The following PDE3A variants were observed in gnomAD, a reference collection of about 807,000 sequenced individuals.
PDE3A encodes cGMP-inhibited 3',5'-cyclic phosphodiesterase 3A.
PDE3A carries 43 observed loss-of-function variants against 98.3 expected under a neutral mutation model. That is an observed-to-expected ratio of 0.44 (90% CI 0.34 to 0.56). The LOEUF (loss-of-function observed/expected upper bound fraction) is 0.56, where lower values mean the gene tolerates loss of function less well. PDE3A is among the 20% of genes least tolerant of loss of function. PDE3A has a pLI of 0.01. For synonymous variants in PDE3A, 663 were observed against 567.9 expected, an observed-to-expected ratio of 1.17 and a Z score of -2.38; for missense variants, 1,427 against 1,440.7, an observed-to-expected ratio of 0.99 and a Z score of 0.15.
At chr12:20,587,755 T>C (rs1943229326) in intron 2 of PDE3A, among the ~76,000 whole-genome samples, 1 of 152,210 alleles carries the variant, frequency 6.6e-6, no homozygotes, top group African/African-American at 2.4e-5. Context: ...GTTCCCAGCA[T>C]TTTAACACTA....
At chr12:20,406,618 G>C (rs1944237866) in intron 1 of PDE3A, among the ~76,000 whole-genome samples, 1 of 151,944 alleles carries the variant, frequency 6.6e-6, no homozygotes, top group Non-Finnish European at 1.5e-5. Context: ...TCTCTTATTG[G>C]GTGTATGATG....
intron 1 of PDE3A, among the ~76,000 whole-genome samples, chr12:20,464,690 G>A (rs1450683365): frequency 6.6e-6 from 1 of 152,122 alleles, no homozygotes; most frequent in Non-Finnish European, 1.5e-5. Flanking sequence ...TGTACACTAT[G>A]CAAATTTTCA....
chr12:20,487,059 A>G (rs1379261935), intron 1 of PDE3A, among the ~76,000 whole-genome samples: 1 of 152,234 alleles, frequency 6.6e-6, no homozygotes, highest in Non-Finnish European at 1.5e-5. Flanking sequence ...GAAATAATCA[A>G]TGCTTACTGA....
intron 1 of PDE3A, among the ~76,000 whole-genome samples, chr12:20,409,039 A>C (rs1402412985): frequency 6.6e-6 from 1 of 152,148 alleles, no homozygotes; most frequent in African/African-American, 2.4e-5. Context: ...ATGCAAATTC[A>C]ATGAATGAAT....
chr12:20,656,273 A>G (rs1032885772), intron 15 of PDE3A, among the ~76,000 whole-genome samples: 1 of 152,186 alleles, frequency 6.6e-6, no homozygotes, highest in Non-Finnish European at 1.5e-5. Context: ...GTTCATTCCA[A>G]CCATCTTGTA....
At chr12:20,673,958 A>T (rs1480606365) in intron 15 of PDE3A, among the ~76,000 whole-genome samples, 3 of 152,292 alleles carry the variant, frequency 2.0e-5, no homozygotes, top group South Asian at 4.1e-4. Flanking sequence ...ATCCATGATC[A>T]TGGGATGTCT....
intron 13 of PDE3A, among the ~76,000 whole-genome samples, chr12:20,649,851 C>G (rs1944873758): frequency 6.6e-6 from 1 of 152,004 alleles, no homozygotes; most frequent in African/African-American, 2.4e-5. Context: ...TGCTTGAACC[C>G]AGGAGGTGGA....
At chr12:20,450,331 T>G (rs1245146090) in intron 1 of PDE3A, among the ~76,000 whole-genome samples, 1 of 152,224 alleles carries the variant, frequency 6.6e-6, no homozygotes, top group African/African-American at 2.4e-5. Flanking sequence ...AGGTCACAGA[T>G]GTGAATTAGC....
At chr12:20,452,633 A>G (rs777035560) in intron 1 of PDE3A, among the ~76,000 whole-genome samples, 1 of 152,226 alleles carries the variant, frequency 6.6e-6, no homozygotes, top group Non-Finnish European at 1.5e-5. Flanking sequence ...TTGTTTGATC[A>G]GAGAAACTTT....
chr12:20,593,859 G>A (rs191037777), intron 2 of PDE3A, among the ~76,000 whole-genome samples: 1 of 152,154 alleles, frequency 6.6e-6, no homozygotes, highest in East Asian at 1.9e-4. Flanking sequence ...ATAACATAGG[G>A]TGAGGGCTGG....
chr12:20,534,636 T>C (rs1008072741), intron 1 of PDE3A, among the ~76,000 whole-genome samples: 5 of 152,196 alleles, frequency 3.3e-5, no homozygotes, highest in African/African-American at 9.6e-5. Flanking sequence ...CTCTAGACCT[T>C]TGGACACATT....
chr12:20,622,389 C>T (rs118094830), intron 5 of PDE3A, among the ~76,000 whole-genome samples: 126 of 152,260 alleles, frequency 8.3e-4, no homozygotes, highest in Non-Finnish European at 1.6e-3. Flanking sequence ...CTGAGGTTCT[C>T]TTCTTTATGG....
intron 1 of PDE3A, among the ~76,000 whole-genome samples, chr12:20,535,975 G>C (rs1941738238): frequency 6.6e-6 from 1 of 152,006 alleles, no homozygotes; most frequent in African/African-American, 2.4e-5. Flanking sequence ...GTTAGATATT[G>C]CATCTCTTCA....
At chr12:20,603,640 T>C (rs1284089823) in intron 2 of PDE3A, among the ~76,000 whole-genome samples, 1 of 152,168 alleles carries the variant, frequency 6.6e-6, no homozygotes, top group Non-Finnish European at 1.5e-5. Context: ...GCCCAGTTCA[T>C]GTAGGGGACA....
rs530935945 is a variant in PDE3A at position 20,629,461 on chromosome 12, C to G, written c.1541-447C>G. On this transcript the variant is annotated intron_variant, in intron 5 of 15. Transcript: ENST00000359062. Reference sequence around the variant, plus strand: ...ATTTACATATTTTAAGCATCTGATGCCTGCTGAACTCTGCCCCCAGATACT... The same window carrying G: ...ATTTACATATTTTAAGCATCTGATGGCTGCTGAACTCTGCCCCCAGATACT... 7.2e-5 allele frequency among the ~76,000 whole-genome samples: 11 copies of G among 152,282 alleles called. No homozygotes were observed. In the South Asian group the frequency reaches 2.3e-3, roughly 32 times the overall value.
chr12:20,375,994 G>T (rs1182392007), intron 1 of PDE3A, among the ~76,000 whole-genome samples: 1 of 151,840 alleles, frequency 6.6e-6, no homozygotes, highest in Non-Finnish European at 1.5e-5. Flanking sequence ...TAGATTTTAA[G>T]CAACTTTACA....
rs115539542 is a variant in PDE3A, at chr12:20,659,454, G to T, written c.3184+5249G>T. ...TTGGCTTTTTTTCTTTCATTATTGT[G>T]CTATTATTAAGACTTTTCTTTTTTT... On this transcript the variant is annotated intron_variant, in intron 15 of 15. Transcript: ENST00000359062. Among the ~76,000 whole-genome samples, 511 of 151,994 alleles carry T rather than the reference G, an allele frequency of 3.4e-3. 2 individuals carry two copies. The highest frequency in any genetic ancestry group is 0.012 in the African/African-American group (482 of 41,484).
intron 1 of PDE3A, among the ~76,000 whole-genome samples, chr12:20,454,024 C>T (rs1945112709): frequency 6.6e-6 from 1 of 152,170 alleles, no homozygotes; most frequent in African/African-American, 2.4e-5. Context: ...GAAAATTTGA[C>T]ATTCTTCACC....
intron 1 of PDE3A, among the ~76,000 whole-genome samples, chr12:20,435,788 T>C (rs1944769869): frequency 6.6e-6 from 1 of 152,174 alleles, no homozygotes; most frequent in South Asian, 2.1e-4. Context: ...CTAGGGGTGA[T>C]TAAATTTTAG....
Sources: gnomAD v4.1 joint callset for allele counts (sites outside exome capture counted in the v4.1 genomes callset) on GRCh38, gnomAD v4.1.1 for gene constraint, MANE v1.5 for transcripts, NCBI Gene and HGNC (gene_info 2026-07-23, HGNC 2026-07-21) for gene names.